Variants in SPATA22 observed in about 807,000 individuals in gnomAD.
SPATA22 encodes the protein spermatogenesis associated 22, also known as spermatogenesis-associated protein 22.
A neutral mutation model predicts 47.8 loss-of-function variants in SPATA22; 29 were observed. That is an observed-to-expected ratio of 0.61 (90% CI 0.45 to 0.83). The LOEUF (loss-of-function observed/expected upper bound fraction) is 0.83. SPATA22 is among the 40% of genes least tolerant of loss of function. The pLI is 0.00. For missense variants in SPATA22, 410 were observed against 421.7 expected (o/e 0.97, Z 0.24); for synonymous variants, 133 against 140.9 (o/e 0.94, Z 0.40).
chr17:3,475,958 G>C (rs948539045), upstream of SPATA22: 1 of 595,818 alleles, frequency 1.7e-6, no homozygotes, highest in Non-Finnish European at 3.0e-6. Context: ...ATATGGCAAA[G>C]GGCAGGGCTA....
intron 3 of SPATA22, among the ~76,000 whole-genome samples, chr17:3,464,224 C>T (rs200188788): frequency 0.22 from 33,775 of 150,682 alleles, 3,660 homozygotes; most frequent in East Asian, 0.41. Context: ...GCGAGTGATC[C>T]GCCAGCCTCG....
chr17:3,501,364 C>T (rs958335164), intron 1 of SPATA22: 3 of 152,014 alleles, frequency 2.0e-5, no homozygotes, highest in African/African-American at 7.3e-5. Flanking sequence ...GAATTCCAAC[C>T]CTCTTGGATG....
chr17:3,457,109 A>G (rs1165943521), intron 5 of SPATA22, among the ~76,000 whole-genome samples: 1 of 152,118 alleles, frequency 6.6e-6, no homozygotes, highest in African/African-American at 2.4e-5. Flanking sequence ...ATGGGCAAAA[A>G]CTGGAAGCAT....
chr17:3,463,428 AATAGT>A (rs779459652), intron 3 of SPATA22, among the ~76,000 whole-genome samples: 9 of 152,250 alleles, frequency 5.9e-5, no homozygotes, highest in Admixed American at 1.3e-4. Flanking sequence ...ATTGTAACAT[AATAGT>A]ATTTGTGTAT....
At chr17:3,497,313 G>A (rs2073925960) in intron 1 of SPATA22, among the ~76,000 whole-genome samples, 1 of 152,198 alleles carries the variant, frequency 6.6e-6, no homozygotes, top group African/African-American at 2.4e-5. Context: ...ATAGTTCTCA[G>A]CCGAGCCACC....
intron 5 of SPATA22, among the ~76,000 whole-genome samples, chr17:3,458,335 G>A (rs117478011): frequency 2.6e-3 from 398 of 152,100 alleles, no homozygotes; most frequent in Non-Finnish European, 4.2e-3. Flanking sequence ...AAGTGTTGGC[G>A]AGGGTGCAGA....
intron 5 of SPATA22, among the ~76,000 whole-genome samples, chr17:3,455,262 G>C (rs1467286787): frequency 6.6e-6 from 1 of 151,894 alleles, no homozygotes; most frequent in Non-Finnish European, 1.5e-5. Flanking sequence ...TCACTCTGAT[G>C]GTAGTTTCTT....
At chr17:3,464,191 G>A (rs1297759699) in intron 3 of SPATA22, among the ~76,000 whole-genome samples, 1 of 151,896 alleles carries the variant, frequency 6.6e-6, no homozygotes, top group Non-Finnish European at 1.5e-5. Flanking sequence ...TGTGTTGGCC[G>A]GGCTGGTCTC....
intron 1 of SPATA22, chr17:3,502,406 C>T (rs997067000): frequency 6.6e-5 from 10 of 152,050 alleles, no homozygotes; most frequent in African/African-American, 2.4e-4. Context: ...CTGAGGTATG[C>T]CTGTAATGTA....
At chr17:3,502,510 A>C (rs960635461) in intron 1 of SPATA22, 8 of 152,236 alleles carry the variant, frequency 5.3e-5, no homozygotes, top group African/African-American at 1.7e-4. Flanking sequence ...CAGTCTATAA[A>C]CTTCAGCATT....
rs781358410 is a variant in SPATA22 at position 3,449,166 on chromosome 17, A to G, written c.330-17T>C. ...TCTCTGTAGCTGTAATAGTGCAAAA[A>G]AAAAGCATTTGTTTCTATATGGTTT... On this transcript the variant is annotated splice_polypyrimidine_tract_variant and intron_variant, in intron 5 of 8. Coordinates refer to ENST00000572969, the MANE Select transcript of SPATA22 (RefSeq NM_001170698.2). 3.3e-6 allele frequency: 5 copies of G among 1,507,528 alleles called. No homozygotes were observed. The South Asian group carries it at 6.4e-5, about 19-fold the overall frequency. The allele number at this position is 1,507,528 out of a possible 1,614,324, so 93.4% of individuals were successfully genotyped here. A position where few individuals can be genotyped will look rare whatever the true frequency, so the allele number is the denominator to read the frequency against.
chr17:3,512,511 C>A (rs2074127061), intron 1 of SPATA22: 1 of 152,294 alleles, frequency 6.6e-6, no homozygotes, highest in Non-Finnish European at 1.5e-5. Context: ...TATCTGAAGG[C>A]CAAATTTCTA....
At chr17:3,481,343 T>C (rs1316191937) in intron 1 of SPATA22, among the ~76,000 whole-genome samples, 4 of 152,224 alleles carry the variant, frequency 2.6e-5, no homozygotes, top group African/African-American at 7.2e-5. Context: ...TTCTGTTTGA[T>C]ATGTCCTATT....
intron 1 of SPATA22, chr17:3,499,690 GA>G (rs2073967632): frequency 6.6e-6 from 1 of 152,268 alleles, no homozygotes; most frequent in Non-Finnish European, 1.5e-5. Context: ...GTGAGACTGC[GA>G]ACTTAGTGAA....
intron 1 of SPATA22, chr17:3,494,198 T>C: frequency 1.6e-6 from 1 of 635,192 alleles, no homozygotes; most frequent in Non-Finnish European, 3.0e-6. Context: ...GGAGATGGGG[T>C]TCACCATGTT....
At chr17:3,441,247 T>C (rs952157458) in intron 8 of SPATA22, 7 of 151,984 alleles carry the variant, frequency 4.6e-5, no homozygotes, top group Non-Finnish European at 7.4e-5. Flanking sequence ...ACCATGGATA[T>C]GAGAAAATAT....
At chr17:3,461,515 T>G (rs1455043759) in intron 5 of SPATA22, among the ~76,000 whole-genome samples, 1 of 152,202 alleles carries the variant, frequency 6.6e-6, no homozygotes, top group Non-Finnish European at 1.5e-5. Flanking sequence ...CTCCTGCAGT[T>G]GGAACAATGT....
At chr17:3,462,817 C>A in intron 3 of SPATA22, 50 bp from the exon 4 acceptor site, 1 of 1,383,258 alleles carries the variant, frequency 7.2e-7, no homozygotes, top group South Asian at 1.2e-5. Context: ...TAGTATTTTT[C>A]AAAATGATAA....
Position 3,462,526 on chromosome 17 carries a change from T to C in SPATA22, c.286A>G (p.Asn96Asp). 8.7e-6 allele frequency: 14 copies of C among 1,613,240 alleles called. No homozygotes were observed. The highest frequency in any genetic ancestry group is 1.2e-5 in the Non-Finnish European group (14 of 1,179,688). ...CTTCCAGTATTTGATTGAATAGAGT[T>C]AAAGACAGAATCTTGACTTCTCAGA... The part of the protein sequence containing the change: ...RPLRSQDSVF[N>D]SIQSNTGRSQ... The change falls in exon 5 of 9, where the codon AAC becomes GAC. Residue 96 changes from asparagine to aspartate, a missense_variant. Coordinates refer to ENST00000572969, the MANE Select transcript of SPATA22 (RefSeq NM_001170698.2).
Sources: allele counts gnomAD v4.1 joint callset (sites outside exome capture counted in the v4.1 genomes callset), GRCh38; gene constraint gnomAD v4.1.1; transcripts MANE v1.5; gene names NCBI Gene and HGNC (gene_info 2026-07-23, HGNC 2026-07-21).